Variants in CFP observed in about 807,000 individuals in gnomAD.
CFP encodes properdin.
In CFP, 14 loss-of-function variants were observed where a neutral mutation model predicts 42.1. The ratio of observed to expected loss-of-function variants is 0.33; its 90% CI spans 0.22 to 0.52. The LOEUF (loss-of-function observed/expected upper bound fraction) is 0.52. Among genes scored for constraint, CFP ranks in the 20% least tolerant of loss-of-function variants. The pLI, the probability that CFP is intolerant of heterozygous loss-of-function variation, is 0.96. For missense variants in CFP, 318 were observed against 400.4 expected (o/e 0.79, Z 1.76); for synonymous variants, 149 against 160.6 (o/e 0.93, Z 0.54).
At chrX:47,630,010 C>G (rs2057985067), upstream of CFP, 1 of 504,458 alleles carries the variant, frequency 2.0e-6, no homozygotes, top group Non-Finnish European at 3.4e-6. Context: ...TCTACTCTCC[C>G]CTCCCCATTT....
At chrX:47,626,034 G>A in intron 8 of CFP, 24 bp downstream of exon 8, 4 of 1,129,697 alleles carry the variant, frequency 3.5e-6, no homozygotes, top group Non-Finnish European at 4.8e-6. Flanking sequence ...CCCCCTCCCA[G>A]GCATACTTTG....
rs1317275240 is a variant in CFP at position 47,629,522 on chromosome X, A to G, written c.227+2T>C. ...CATCCCCCACCCCAGGCTCCCCCTA[A>G]CCTGCAAGGCTGACAGAGCCCACCA... is the stretch of plus-strand genomic sequence containing the variant. On this transcript the variant is annotated splice_donor_variant, in intron 2 of 8. Coordinates refer to ENST00000396992, the MANE Select transcript of CFP (RefSeq NM_001145252.3). LOFTEE classifies it high-confidence loss of function. 8.8e-7 allele frequency: 1 copy of G among 1,131,289 alleles called. No homozygotes were observed. Among genetic ancestry groups the G allele is most frequent in the South Asian group, 1.9e-5 (1 of 51,648 alleles). The allele number at this position is 1,131,289 out of a possible 1,213,427, so 93.2% of individuals were successfully genotyped here.
intron 1 of CFP, 29 bp downstream of exon 1, chrX:47,629,740 T>C (rs1408874574): frequency 1.7e-6 from 2 of 1,164,426 alleles, no homozygotes; most frequent in Non-Finnish European, 2.3e-6. Flanking sequence ...TGGACACCCC[T>C]GGGGCCAGCT....
chrX:47,626,290 C>T (rs1268144383), intron 7 of CFP, 38 bp downstream of exon 7: 1 of 1,196,000 alleles, frequency 8.4e-7, no homozygotes, highest in African/African-American at 1.8e-5. Context: ...CCTGCATGGG[C>T]CACCCCACCC....
Position 47,624,023 on chromosome X carries a change from G to C in CFP, c.*252C>G. The C allele has an allele frequency of 2.5e-6, 1 of 395,241 alleles. No individual in the cohort carries two copies. Among genetic ancestry groups the C allele is most frequent in the Non-Finnish European group, 4.5e-6 (1 of 223,960 alleles). 32.6% of individuals were successfully genotyped at this position (395,241 alleles called of 1,213,427 possible). ...CAGACATTGGGGTTATGGCAGCGGC[G>C]GGGAGAGGCTGGGACTGCACACTCG... On this transcript the variant is annotated 3_prime_UTR_variant, in exon 9 of 9. Transcript: ENST00000396992.
chrX:47,628,665 C>A (rs1050019030), intron 2 of CFP: 12 of 317,868 alleles, frequency 3.8e-5, no homozygotes, highest in African/African-American at 1.6e-4. Flanking sequence ...ACCTCAGAGG[C>A]CTCCTCAGAA....
In CFP at chrX:47,628,327, G is replaced by A. The variant is rs8177074; in HGVS notation, c.228-50C>T. ...CATCCTGGCATGAGCTAACAAGAAT[G>A]GCATGTGGGACTCCAGAGTGTGGGC... On this transcript the variant is annotated intron_variant, in intron 2 of 8. Coordinates refer to ENST00000396992, the MANE Select transcript of CFP (RefSeq NM_001145252.3). 163 of 1,139,912 alleles carry A rather than the reference G, an allele frequency of 1.4e-4. No homozygotes were observed. In the African/African-American group the frequency reaches 2.7e-3, roughly 19 times the overall value. The allele number at this position is 1,139,912 out of a possible 1,213,427, so 93.9% of individuals were successfully genotyped here. A position where few individuals can be genotyped will look rare whatever the true frequency, so the allele number is the denominator to read the frequency against.
chrX:47,624,539 C>CTTTT (rs11385461), intron 8 of CFP, 99 bp from the exon 9 acceptor site: 46 of 304,563 alleles, frequency 1.5e-4, no homozygotes, highest in East Asian at 4.7e-4. Flanking sequence ...CCGAGGGCTA[C>CTTTT]TTTTTTTTTT....
intron 8 of CFP, 81 bp from the exon 9 acceptor site, chrX:47,624,521 G>T: frequency 2.7e-6 from 2 of 750,730 alleles, no homozygotes; most frequent in Non-Finnish European, 3.8e-6. Context: ...TTGAGTGCCT[G>T]CTATATGCCG....
At chrX:47,630,071 C>T (rs1449856521), upstream of CFP, 4 of 431,448 alleles carry the variant, frequency 9.3e-6, no homozygotes, top group Non-Finnish European at 1.6e-5. Context: ...CCCAGCACCT[C>T]GCGCTCCTCC....
upstream of CFP, chrX:47,630,008 C>G: frequency 2.0e-6 from 1 of 505,431 alleles, no homozygotes; most frequent in South Asian, 2.9e-5. Flanking sequence ...TCTCTACTCT[C>G]CCCTCCCCAT....
chrX:47,626,955 G>T lies in CFP; in HGVS notation c.767-9C>A. 6.0e-6 allele frequency: 7 copies of T among 1,174,371 alleles called. No individual in the cohort carries two copies. Among genetic ancestry groups the T allele is most frequent in the Non-Finnish European group, 6.9e-6 (6 of 875,883 alleles). On this transcript the variant is annotated splice_polypyrimidine_tract_variant and intron_variant, in intron 5 of 8. Coordinates refer to ENST00000396992, the MANE Select transcript of CFP (RefSeq NM_001145252.3). ...CCCCCAGCCCCCAGCCACTGTTGGA[G>T]GAGGAAAGGGAGTGAGGAGAAAGGC... is the stretch of plus-strand genomic sequence containing the variant.
Position 47,624,145 on chromosome X carries a change from A to G in CFP, c.*130T>C. 1.4e-6 allele frequency: 1 copy of G among 698,921 alleles called. No individual in the cohort carries two copies. The highest frequency in any genetic ancestry group is 2.3e-5 in the South Asian group (1 of 44,284). 57.6% of individuals were successfully genotyped at this position (698,921 alleles called of 1,213,427 possible). A position where few individuals can be genotyped will look rare whatever the true frequency, so the allele number is the denominator to read the frequency against. The stretch of plus-strand genomic sequence containing the variant: ...CGTGCTGTGCTGTTTGCCCTATGAG[A>G]TGCTATCACCCTACTTTTGGGGAAG... On this transcript the variant is annotated 3_prime_UTR_variant, in exon 9 of 9. Transcript: ENST00000396992.
At position 47,626,038 on chromosome X, in the gene CFP, T is replaced by C. The variant is rs769005023; in HGVS notation, c.1244+20A>G. ...TAATATAATGACCCCCTCCCAGGCA[T>C]ACTTTGCCCTCTCACTCACGGGTAC... On this transcript the variant is annotated intron_variant, in intron 8 of 8. Coordinates refer to ENST00000396992, the MANE Select transcript of CFP (RefSeq NM_001145252.3). 1.2e-5 allele frequency: 14 copies of C among 1,141,612 alleles called. No homozygotes were observed. The highest frequency in any genetic ancestry group is 1.5e-5 in the Non-Finnish European group (13 of 848,299). 94.1% of individuals were successfully genotyped at this position (1,141,612 alleles called of 1,213,427 possible).
chrX:47,624,539 CTTTT>C (rs11385461), intron 8 of CFP, 99 bp from the exon 9 acceptor site: 102 of 304,240 alleles, frequency 3.4e-4, no homozygotes, highest in East Asian at 5.4e-4. Flanking sequence ...CCGAGGGCTA[CTTTT>C]TTTTTTTTTT....
At chrX:47,624,535 GCTA>G in intron 8 of CFP, 95 bp from the exon 9 acceptor site, 1 of 638,682 alleles carries the variant, frequency 1.6e-6, no homozygotes. Flanking sequence ...TATGCCGAGG[GCTA>G]CTTTTTTTTT....
chrX:47,629,407 G>A (rs1338613527), intron 2 of CFP, 117 bp downstream of exon 2: 8 of 556,211 alleles, frequency 1.4e-5, no homozygotes, highest in Non-Finnish European at 2.3e-5. Flanking sequence ...GTATGGTCAC[G>A]ATCAGGGCCT....
intron 8 of CFP, 137 bp downstream of exon 8, chrX:47,625,920 TC>T: frequency 3.7e-6 from 2 of 534,455 alleles, no homozygotes; most frequent in Non-Finnish European, 6.7e-6. Context: ...TCTCCCCACT[TC>T]CTGCAGCTGG....
In CFP at chrX:47,625,936, TG is replaced by T. The variant is rs2057966162; in HGVS notation, c.1244+121del. The T allele has an allele frequency of 2.3e-5, 13 of 562,409 alleles. No homozygotes were observed. In the East Asian group the frequency reaches 4.7e-4, roughly 20 times the overall value. 46.3% of individuals were successfully genotyped at this position (562,409 alleles called of 1,213,427 possible). Reference sequence around the variant, plus strand: ...CTCCCCACTTCCTGCAGCTGGGAGGTGGCACTCGGCAAGGCAGATACCTTAG... The same window carrying T: ...CTCCCCACTTCCTGCAGCTGGGAGGTGCACTCGGCAAGGCAGATACCTTAG... On this transcript the variant is annotated intron_variant, in intron 8 of 8. Transcript: ENST00000396992.
Sources: allele counts gnomAD v4.1 joint callset, GRCh38; gene constraint gnomAD v4.1.1; transcripts MANE v1.5; gene names NCBI Gene and HGNC (gene_info 2026-07-23, HGNC 2026-07-21).